Variants in GPC6 observed in about 807,000 individuals in gnomAD.
GPC6 encodes glypican-6.
In GPC6, 14 loss-of-function variants were observed where a neutral mutation model predicts 55.2. The observed-to-expected ratio is 0.25, with a 90% CI of 0.17 to 0.40. The LOEUF (loss-of-function observed/expected upper bound fraction) is 0.40, where lower values mean the gene tolerates loss of function less well. Among genes scored for constraint, GPC6 ranks in the 10% least tolerant of loss-of-function variants. The pLI, the probability that GPC6 is intolerant of heterozygous loss-of-function variation, is 1.00. For missense variants in GPC6, 641 were observed against 708.5 expected, an observed-to-expected ratio of 0.90 and a Z score of 1.08; for synonymous variants, 278 against 259.6, an observed-to-expected ratio of 1.07 and a Z score of -0.68.
intron 2 of GPC6, among the ~76,000 whole-genome samples, chr13:93,628,725 C>T (rs1257170264): frequency 1.3e-5 from 2 of 151,910 alleles, no homozygotes; most frequent in Admixed American, 6.6e-5. Flanking sequence ...GAAGAAGTGT[C>T]GGATTTTGGA....
chr13:93,575,743 C>A (rs1876633432), intron 2 of GPC6, among the ~76,000 whole-genome samples: 1 of 152,126 alleles, frequency 6.6e-6, no homozygotes, highest in South Asian at 2.1e-4. Flanking sequence ...TCCATGCCTT[C>A]TGAAGAATAT....
At chr13:93,771,551 A>G (rs1484735510) in intron 2 of GPC6, among the ~76,000 whole-genome samples, 1 of 152,110 alleles carries the variant, frequency 6.6e-6, no homozygotes, top group Admixed American at 6.5e-5. Flanking sequence ...CTTGGTTCAC[A>G]ACAAGCTGTG....
At chr13:93,280,945 G>A (rs921254450) in intron 1 of GPC6, among the ~76,000 whole-genome samples, 10 of 152,168 alleles carry the variant, frequency 6.6e-5, no homozygotes, top group African/African-American at 9.7e-5. Context: ...TGTAATGCTC[G>A]TCCCTTGCTC....
intron 3 of GPC6, among the ~76,000 whole-genome samples, chr13:93,887,633 C>T (rs1264205886): frequency 6.6e-6 from 1 of 152,076 alleles, no homozygotes; most frequent in Admixed American, 6.6e-5. Flanking sequence ...AGTGATCCCT[C>T]TAAATACATC....
At chr13:93,338,305 T>G (rs997169034) in intron 1 of GPC6, among the ~76,000 whole-genome samples, 1 of 152,170 alleles carries the variant, frequency 6.6e-6, no homozygotes, top group Admixed American at 6.5e-5. Flanking sequence ...AATAATAATT[T>G]ATTCCACAAG....
At chr13:93,261,927 C>T (rs770537222) in intron 1 of GPC6, among the ~76,000 whole-genome samples, 2 of 45,316 alleles carry the variant, frequency 4.4e-5, no homozygotes, top group Non-Finnish European at 7.9e-5. Flanking sequence ...TCTCCCTCTA[C>T]ACACACACAC....
chr13:94,174,019 T>C (rs1296940691), intron 4 of GPC6, among the ~76,000 whole-genome samples: 1 of 152,208 alleles, frequency 6.6e-6, no homozygotes, highest in Non-Finnish European at 1.5e-5. Flanking sequence ...CTTATTACTT[T>C]TCATTTTTGC....
chr13:93,491,637 G>A (rs1481657189), intron 1 of GPC6, among the ~76,000 whole-genome samples: 2 of 144,068 alleles, frequency 1.4e-5, no homozygotes, highest in Non-Finnish European at 3.0e-5. Flanking sequence ...TTTCTTCTAG[G>A]GTTTTTATGG....
chr13:93,596,188 A>C (rs1402828118), intron 2 of GPC6, among the ~76,000 whole-genome samples: 1 of 152,206 alleles, frequency 6.6e-6, no homozygotes, highest in African/African-American at 2.4e-5. Flanking sequence ...CCAGAGGCTT[A>C]AATGCCATGA....
At chr13:93,824,073 A>G (rs1164049099) in intron 2 of GPC6, among the ~76,000 whole-genome samples, 1 of 152,202 alleles carries the variant, frequency 6.6e-6, no homozygotes, top group Non-Finnish European at 1.5e-5. Context: ...CAACCTCAAA[A>G]TCTAAAAAAT....
chr13:94,338,456 G>A (rs917296661), intron 6 of GPC6, among the ~76,000 whole-genome samples: 4 of 152,184 alleles, frequency 2.6e-5, no homozygotes, highest in Middle Eastern at 3.4e-3. Context: ...TTGAGTTCAC[G>A]CCACTCCTGC....
In GPC6 at chr13:94,398,540, G is replaced by A. The variant is rs765600909; in HGVS notation, c.1364G>A (p.Arg455Gln). 11 of 1,613,550 alleles carry A rather than the reference G, an allele frequency of 6.8e-6. No individual in the cohort carries two copies. Among genetic ancestry groups the A allele is most frequent in the Admixed American group, 3.3e-5 (2 of 59,996 alleles). Residue 455 changes from arginine (R) to glutamine (Q), a missense_variant, in exon 8 of 9, where the codon CGG (arginine) becomes CAG (glutamine). By Grantham distance (43) the Arg-to-Gln change is conservative (BLOSUM62 1). Coordinates refer to ENST00000377047, the MANE Select transcript of GPC6 (RefSeq NM_005708.5). The stretch of plus-strand genomic sequence containing the variant: ...CCCGAGGTGGATGTGGACATCACTC[G>A]GCCTGACACTTTCATCAGACAGCAG... ...NNPEVDVDIT[R>Q]PDTFIRQQIM...
At chr13:94,233,105 C>T (rs961426673) in intron 4 of GPC6, among the ~76,000 whole-genome samples, 1 of 147,346 alleles carries the variant, frequency 6.8e-6, no homozygotes, top group Admixed American at 7.0e-5. Flanking sequence ...TACAAATATG[C>T]ACCACAATGT....
chr13:93,861,069 G>A (rs1233596982), intron 3 of GPC6, among the ~76,000 whole-genome samples: 1 of 151,318 alleles, frequency 6.6e-6, no homozygotes, highest in Non-Finnish European at 1.5e-5. Context: ...TACCTTACAG[G>A]ATCGTTTTGA....
At chr13:94,296,047 A>C (rs980308209) in intron 5 of GPC6, among the ~76,000 whole-genome samples, 1 of 151,862 alleles carries the variant, frequency 6.6e-6, no homozygotes, top group African/African-American at 2.4e-5. Flanking sequence ...TCCTGCTTGT[A>C]ATATTGCTGG....
chr13:93,689,461 G>A (rs1343067050), intron 2 of GPC6, among the ~76,000 whole-genome samples: 1 of 151,948 alleles, frequency 6.6e-6, no homozygotes, highest in East Asian at 1.9e-4. Context: ...ACATTAGGGG[G>A]GATTAATAGG....
intron 2 of GPC6, among the ~76,000 whole-genome samples, chr13:93,616,304 C>T (rs918262958): frequency 2.6e-5 from 4 of 151,762 alleles, no homozygotes; most frequent in African/African-American, 4.8e-5. Context: ...AGAGGATGTA[C>T]GAATACTTTA....
intron 4 of GPC6, among the ~76,000 whole-genome samples, chr13:94,176,333 G>A (rs1353468278): frequency 3.3e-5 from 5 of 152,040 alleles, no homozygotes. Context: ...CTGAGACTAT[G>A]GTGATCTTTT....
chr13:93,964,971 A>G (rs1186709132), intron 3 of GPC6, among the ~76,000 whole-genome samples: 2 of 152,164 alleles, frequency 1.3e-5, no homozygotes, highest in Non-Finnish European at 2.9e-5. Context: ...TTTTAATACT[A>G]TTGCTACCAT....
Sources: allele counts gnomAD v4.1 joint callset (sites outside exome capture counted in the v4.1 genomes callset), GRCh38; gene constraint gnomAD v4.1.1; transcripts MANE v1.5; gene names NCBI Gene and HGNC (gene_info 2026-07-23, HGNC 2026-07-21).